CRISP1: variants seen among roughly 807,000 people sequenced by gnomAD.
The protein encoded by CRISP1 is cysteine rich secretory protein 1.
CRISP1 carries 44 observed loss-of-function variants against 33.1 expected under a neutral mutation model. The ratio of observed to expected loss-of-function variants is 1.33; its 90% CI spans 1.05 to 1.71. CRISP1 has a LOEUF of 1.71. Ranked by LOEUF, CRISP1 falls within the 40% of genes most tolerant of loss-of-function variation. CRISP1 has a pLI of 0.00. For synonymous variants in CRISP1, 103 were observed against 98.7 expected (o/e 1.04, Z -0.26); for missense variants, 390 against 301.2 (o/e 1.29, Z -2.18).
At chr6:49,837,615 A>T (rs1770843130) in intron 7 of CRISP1, among the ~76,000 whole-genome samples, 1 of 152,126 alleles carries the variant, frequency 6.6e-6, no homozygotes, top group South Asian at 2.1e-4. Context: ...AGGAAGAAGA[A>T]TCCATTTTCT....
At chr6:49,845,260 G>A (rs527427598) in intron 5 of CRISP1, among the ~76,000 whole-genome samples, 1 of 152,196 alleles carries the variant, frequency 6.6e-6, no homozygotes, top group Non-Finnish European at 1.5e-5. Flanking sequence ...GGTCTCTCTT[G>A]TCTCTGTCTC....
chr6:49,860,041 AT>A (rs1439981969), intron 1 of CRISP1, among the ~76,000 whole-genome samples: 1 of 152,170 alleles, frequency 6.6e-6, no homozygotes, highest in Non-Finnish European at 1.5e-5. Flanking sequence ...TCATTATGTA[AT>A]GAAAAAGGGA....
At chr6:49,859,520 C>A (rs923577782) in intron 1 of CRISP1, among the ~76,000 whole-genome samples, 3 of 151,658 alleles carry the variant, frequency 2.0e-5, no homozygotes, top group African/African-American at 7.3e-5. Flanking sequence ...GAATTTACTA[C>A]CATTAGACTG....
intron 6 of CRISP1, among the ~76,000 whole-genome samples, chr6:49,838,863 A>G (rs1770891429): frequency 6.6e-6 from 1 of 152,186 alleles, no homozygotes; most frequent in Non-Finnish European, 1.5e-5. Flanking sequence ...TTACAATAGA[A>G]CATTCTTCAT....
At chr6:49,874,223 T>G (rs1436010383) in intron 1 of CRISP1, among the ~76,000 whole-genome samples, 3 of 152,100 alleles carry the variant, frequency 2.0e-5, no homozygotes, top group Non-Finnish European at 4.4e-5. Context: ...AGCTATTGAA[T>G]AGTAAATATG....
upstream of CRISP1, among the ~76,000 whole-genome samples, chr6:49,867,324 A>G (rs1771821673): frequency 6.6e-6 from 1 of 152,092 alleles, no homozygotes; most frequent in Non-Finnish European, 1.5e-5. Context: ...AAGTTGGGAA[A>G]TGTTTGTATA....
At chr6:49,850,342 A>T (rs1321908280) in intron 3 of CRISP1, among the ~76,000 whole-genome samples, 2 of 152,160 alleles carry the variant, frequency 1.3e-5, no homozygotes, top group Admixed American at 6.6e-5. Context: ...GATGATGTAT[A>T]GGACATTACC....
chr6:49,835,318 A>G lies in CRISP1; in HGVS notation c.748T>C (p.Ter250GlnextTer11). 2 of 1,613,458 alleles carry G rather than the reference A, an allele frequency of 1.2e-6. No individual in the cohort carries two copies. The highest frequency in any genetic ancestry group is 2.2e-5 in the East Asian group (1 of 44,816). ...ATCLCDTEIK[*>Q] ...GAACAGTTGAAAATAACAAAGACCTATTTTATCTCAGTGTCACACAGACAA... is the reference window on the plus strand; with the variant it reads ...GAACAGTTGAAAATAACAAAGACCTGTTTTATCTCAGTGTCACACAGACAA... The change falls in exon 8 of 8, where the codon TAG (stop) becomes CAG (glutamine). Residue 250 changes from the stop codon to glutamine (Q), a stop_lost. Coordinates refer to ENST00000335847, the MANE Select transcript of CRISP1 (RefSeq NM_001131.3).
At chr6:49,839,614 T>A (rs1049073672) in intron 6 of CRISP1, among the ~76,000 whole-genome samples, 1 of 152,214 alleles carries the variant, frequency 6.6e-6, no homozygotes, top group African/African-American at 2.4e-5. Context: ...AAAATTTCAC[T>A]TTGAAAAGAA....
chr6:49,840,094 T>C (rs992356048), intron 6 of CRISP1, among the ~76,000 whole-genome samples: 2 of 152,222 alleles, frequency 1.3e-5, no homozygotes, highest in African/African-American at 4.8e-5. Context: ...ATGGCGTCAC[T>C]GACTTTTATC....
rs541082330 is a variant in CRISP1, at chr6:49,846,518, A to G, written c.435+2T>C. On this transcript the variant is annotated splice_donor_variant, in intron 5 of 7. Transcript: ENST00000335847. LOFTEE classifies it high-confidence loss of function. ...GTGTGTGTTTGCCAGCACACAGGTT[A>G]CCTGAGTGTAGTGGTCAGTAGTTAT... The G allele has an allele frequency of 1.2e-6, 2 of 1,612,176 alleles. No individual in the cohort carries two copies. Among genetic ancestry groups the G allele is most frequent in the East Asian group, 4.5e-5 (2 of 44,794 alleles).
intron 5 of CRISP1, among the ~76,000 whole-genome samples, chr6:49,845,923 T>C (rs1771151069): frequency 6.6e-6 from 1 of 152,104 alleles, no homozygotes. Context: ...ATGAGGTACT[T>C]TGAGTAGTGA....
chr6:49,872,943 C>A (rs1009352937), intron 1 of CRISP1, among the ~76,000 whole-genome samples: 1 of 151,960 alleles, frequency 6.6e-6, no homozygotes, highest in Non-Finnish European at 1.5e-5. Flanking sequence ...TGAAGAAAGT[C>A]ATTGGTAGCT....
chr6:49,855,215 C>T (rs538672610), intron 2 of CRISP1, among the ~76,000 whole-genome samples: 10 of 152,226 alleles, frequency 6.6e-5, no homozygotes, highest in Middle Eastern at 3.4e-3. Flanking sequence ...TAATGCTTTA[C>T]TATGTCTATA....
chr6:49,846,536 G>A lies in CRISP1; in HGVS notation c.419C>T (p.Thr140Ile). ...ACAGGTTACCTGAGTGTAGTGGTCA[G>A]TAGTTATGTCATCATCCGTTGTTGT... ...EWTTTDDDITTDHYTQIVWAT... is the reference protein window; with the variant it reads ...EWTTTDDDITIDHYTQIVWAT... The change falls in exon 5 of 8, where the codon ACT (threonine) becomes ATT (isoleucine). Residue 140 changes from threonine to isoleucine, a missense_variant. By Grantham distance (89) the Thr-to-Ile change is moderately conservative. Transcript: ENST00000335847. 1 of 1,613,362 alleles carries A rather than the reference G, an allele frequency of 6.2e-7. No individual in the cohort carries two copies. Among genetic ancestry groups the A allele is most frequent in the Non-Finnish European group, 8.5e-7 (1 of 1,179,582 alleles).
chr6:49,851,330 T>C (rs1771339413), intron 3 of CRISP1, among the ~76,000 whole-genome samples: 1 of 152,054 alleles, frequency 6.6e-6, no homozygotes, highest in Non-Finnish European at 1.5e-5. Context: ...TGAAACTGAG[T>C]GATACTGCTG....
intron 6 of CRISP1, among the ~76,000 whole-genome samples, chr6:49,839,963 C>T: frequency 6.6e-6 from 1 of 152,204 alleles, no homozygotes; most frequent in Non-Finnish European, 1.5e-5. Flanking sequence ...TTATACTGAA[C>T]ATTTTGTATT....
At chr6:49,848,404 C>A in intron 3 of CRISP1, 105 bp from the exon 4 acceptor site, 1 of 577,490 alleles carries the variant, frequency 1.7e-6, no homozygotes. Flanking sequence ...TCAATTGTAT[C>A]AACTAGAAAT....
intron 1 of CRISP1, among the ~76,000 whole-genome samples, chr6:49,863,581 C>T (rs898761994): frequency 6.6e-6 from 1 of 152,268 alleles, no homozygotes; most frequent in Non-Finnish European, 1.5e-5. Flanking sequence ...TTTCTTTACC[C>T]TTTAGTTTCA....
Sources: gnomAD v4.1 joint callset for allele counts (sites outside exome capture counted in the v4.1 genomes callset) on GRCh38, gnomAD v4.1.1 for gene constraint, MANE v1.5 for transcripts, NCBI Gene and HGNC (gene_info 2026-07-23, HGNC 2026-07-21) for gene names.